The following MMP7 variants were observed in gnomAD, a reference collection of about 807,000 sequenced individuals.
MMP7 encodes the protein matrilysin.
In MMP7, 26 loss-of-function variants were observed where a neutral mutation model predicts 31.5. The observed-to-expected ratio is 0.83, with a 90% CI of 0.61 to 1.15. The LOEUF (loss-of-function observed/expected upper bound fraction) is 1.15, where lower values mean the gene tolerates loss of function less well. Ranked by LOEUF, MMP7 falls within the 50% of genes most tolerant of loss-of-function variation. MMP7 has a pLI of 0.00. For missense variants in MMP7, 367 were observed against 326.5 expected, an observed-to-expected ratio of 1.12 and a Z score of -0.96; for synonymous variants, 142 against 124.2, an observed-to-expected ratio of 1.14 and a Z score of -0.95.
In MMP7 at chr11:102,525,100, AT is replaced by A. The variant is rs369325394; in HGVS notation, c.485-37del. On this transcript the variant is annotated intron_variant, in intron 3 of 5. Transcript: ENST00000260227. The stretch of plus-strand genomic sequence containing the variant: ...ATGGAGTGATTGTTCTTAGTGACTG[AT>A]TTTTTTTTTCTCCAGTCATTTTATT... 1.5e-3 allele frequency: 2,201 copies of A among 1,483,026 alleles called. 12 individuals are homozygous for A. The African/African-American group carries it at 0.02, about 13-fold the overall frequency. 91.9% of individuals were successfully genotyped at this position (1,483,026 alleles called of 1,614,324 possible). A position where few individuals can be genotyped will look rare whatever the true frequency, so the allele number is the denominator to read the frequency against.
At position 102,523,310 on chromosome 11, in the gene MMP7, G is replaced by A; in HGVS notation, c.705C>T (p.Thr235=). Residue 235 remains threonine (T), a synonymous_variant, in exon 5 of 6, where the codon ACC becomes ACT. Coordinates refer to ENST00000260227, the MANE Select transcript of MMP7 (RefSeq NM_002423.5). ...AATTTTGGGGATCTCCATTTCCATA[G>A]GTTGGATACATCACTGCATTAGGAT... ...SSDPNAVMYP[T]YGNGDPQNFK... 1.9e-6 allele frequency: 3 copies of A among 1,612,846 alleles called. No homozygotes were observed. The highest frequency in any genetic ancestry group is 1.3e-5 in the African/African-American group (1 of 74,954).
rs539659012 is a variant in MMP7, at chr11:102,524,799, C to T, written c.613+137G>A. ...TATGAGTATATTACATGAAATAATG[C>T]ATTTCAGGCATATAGTACAGTGTTT... On this transcript the variant is annotated intron_variant, in intron 4 of 5. Coordinates refer to ENST00000260227, the MANE Select transcript of MMP7 (RefSeq NM_002423.5). 18 of 874,594 alleles carry T rather than the reference C, an allele frequency of 2.1e-5. No individual in the cohort carries two copies. The South Asian group carries it at 5.3e-4, about 26-fold the overall frequency. The allele number at this position is 874,594 out of a possible 1,614,324, so 54.2% of individuals were successfully genotyped here.
At chr11:102,524,076 T>C (rs906924785) in intron 4 of MMP7, among the ~76,000 whole-genome samples, 3 of 152,204 alleles carry the variant, frequency 2.0e-5, no homozygotes, top group African/African-American at 7.2e-5. Context: ...CCCGTGCGTT[T>C]GAGGAGTGGC....
chr11:102,525,753 C>G (rs948946303), intron 3 of MMP7, among the ~76,000 whole-genome samples: 3 of 144,900 alleles, frequency 2.1e-5, no homozygotes, highest in Non-Finnish European at 3.0e-5. Flanking sequence ...ATTTGTGCAC[C>G]ATTTCATAGG....
intron 4 of MMP7, among the ~76,000 whole-genome samples, chr11:102,524,117 A>G (rs1022001009): frequency 1.3e-5 from 2 of 152,208 alleles, no homozygotes; most frequent in African/African-American, 4.8e-5. Flanking sequence ...ATTGAATTGA[A>G]GGAAGCTGCC....
In MMP7 at chr11:102,524,938, A is replaced by G; in HGVS notation, c.611T>C (p.Leu204Pro). The G allele has an allele frequency of 6.2e-7, 1 of 1,613,708 alleles. No homozygotes were observed. Among genetic ancestry groups the G allele is most frequent in the South Asian group, 1.1e-5 (1 of 91,048 alleles). The change falls in exon 4 of 6, where the codon CTA (leucine) becomes CCA (proline). Residue 204 changes from leucine to proline, a missense_variant and splice_region_variant. By Grantham distance (98) the Leu-to-Pro change is moderately conservative. Coordinates refer to ENST00000260227, the MANE Select transcript of MMP7 (RefSeq NM_002423.5). The part of the protein sequence containing the change: ...EDERWTDGSS[L>P]GINFLYAATH... ...AGAAGAGACATGAGATGCTATACCT[A>G]GACTGCTACCATCCGTCCAGCGTTC...
At chr11:102,524,850 A>G in intron 4 of MMP7, 86 bp downstream of exon 4, 2 of 1,437,392 alleles carry the variant, frequency 1.4e-6, no homozygotes, top group Non-Finnish European at 1.8e-6. Flanking sequence ...CTCAATACTT[A>G]TTATAAATTA....
Position 102,530,628 on chromosome 11 carries a change from C to T in MMP7, c.73G>A (p.Gly25Arg). Residue 25 changes from glycine to arginine, a missense_variant, in exon 1 of 6, where the codon GGA becomes AGA. Coordinates refer to ENST00000260227, the MANE Select transcript of MMP7 (RefSeq NM_002423.5). ...SLALPLPQEA[G>R]GMSELQWEQA... ...TCCCACTGTAGCTCACTCATGCCTC[C>T]CGCCTCCTGAGGCAGCGGCAGGGCC... 1 of 1,614,020 alleles carries T rather than the reference C, an allele frequency of 6.2e-7. No homozygotes were observed. The highest frequency in any genetic ancestry group is 8.5e-7 in the Non-Finnish European group (1 of 1,179,936).
In MMP7 at chr11:102,527,646, G is replaced by A. The variant is rs1858687527; in HGVS notation, c.362C>T (p.Pro121Leu). The A allele has an allele frequency of 9.9e-6, 16 of 1,614,078 alleles. 1 individual carries two copies. In the Middle Eastern group the frequency reaches 6.6e-4, roughly 67 times the overall value. The change falls in exon 3 of 6, where the codon CCG becomes CTG. Residue 121 changes from proline (P) to leucine (L), a missense_variant. Coordinates refer to ENST00000260227, the MANE Select transcript of MMP7 (RefSeq NM_002423.5). ...YRIVSYTRDL[P>L]HITVDRLVSK... ...CACTAATCGATCCACTGTAATATGC[G>A]GTAAGTCTCGAGTATATGATACGAT...
At chr11:102,527,267 T>C in intron 3 of MMP7, 1 of 467,640 alleles carries the variant, frequency 2.1e-6, no homozygotes, top group Non-Finnish European at 3.8e-6. Flanking sequence ...TGTGTTCCAG[T>C]AAAACTTTAT....
At chr11:102,524,820 T>G (rs143557590) in intron 4 of MMP7, 116 bp downstream of exon 4, 2 of 1,149,070 alleles carry the variant, frequency 1.7e-6, no homozygotes, top group South Asian at 4.0e-5. Context: ...TATAGTACAG[T>G]GTTTGGCACT....
intron 3 of MMP7, among the ~76,000 whole-genome samples, chr11:102,525,663 C>T (rs1858662178): frequency 6.6e-6 from 1 of 151,276 alleles, no homozygotes. Flanking sequence ...TGCATTTAAG[C>T]TTTTGTTAAA....
At position 102,527,886 on chromosome 11, in the gene MMP7, G is replaced by C. The variant is rs1385033232; in HGVS notation, c.206C>G (p.Pro69Arg). The stretch of plus-strand genomic sequence containing the variant: ...GCGGGAGTTTAACATTCCAGTTATA[G>C]GTAGGCCAAAGAATTTTTGCATCTC... ...LKEMQKFFGL[P>R]ITGMLNSRVI... is the part of the protein sequence containing the mutation. The change falls in exon 2 of 6, where the codon CCT becomes CGT. Residue 69 changes from proline (P) to arginine (R), a missense_variant. By Grantham distance (103) the Pro-to-Arg change is moderately radical (BLOSUM62 -2). Transcript: ENST00000260227. 4 of 1,613,978 alleles carry C rather than the reference G, an allele frequency of 2.5e-6. No individual in the cohort carries two copies. Among genetic ancestry groups the C allele is most frequent in the Non-Finnish European group, 3.4e-6 (4 of 1,180,012 alleles).
chr11:102,520,758 A>C lies in MMP7; in HGVS notation c.*18T>G, dbSNP rs760754751. On this transcript the variant is annotated 3_prime_UTR_variant, in exon 6 of 6. Transcript: ENST00000260227. The stretch of plus-strand genomic sequence containing the variant: ...TACAATCCAATGAATGAATGAATGG[A>C]TGTTCTGCCTGAAGTTTCTATTTCT... 5.8e-6 allele frequency: 9 copies of C among 1,554,256 alleles called. No homozygotes were observed. The highest frequency in any genetic ancestry group is 7.0e-6 in the Non-Finnish European group (8 of 1,137,766).
chr11:102,528,366 A>G (rs1858697299), intron 1 of MMP7, among the ~76,000 whole-genome samples: 1 of 152,156 alleles, frequency 6.6e-6, no homozygotes, highest in Non-Finnish European at 1.5e-5. Flanking sequence ...CCTGTGGGGG[A>G]GATCTGAGGT....
chr11:102,524,045 C>A (rs908857350), intron 4 of MMP7, among the ~76,000 whole-genome samples: 1 of 152,118 alleles, frequency 6.6e-6, no homozygotes, highest in African/African-American at 2.4e-5. Context: ...AAAGGCTTTG[C>A]AAGTATGTGG....
At chr11:102,524,180 CA>C (rs1394683659) in intron 4 of MMP7, 1 of 152,090 alleles carries the variant, frequency 6.6e-6, no homozygotes, top group Non-Finnish European at 1.5e-5. Context: ...ATGCCAGATG[CA>C]AATGGGAGGC....
rs900569423 is a variant in MMP7 at position 102,527,972 on chromosome 11, C to G, written c.120G>C (p.Lys40Asn). ...TTTCTGAGTCATAGAGATAAAATCT[C>G]TTGAGATAGTCCTATTGAAAAGAGA... is the stretch of plus-strand genomic sequence containing the variant. ...LQWEQAQDYLKRFYLYDSETK... is the reference protein window; with the variant it reads ...LQWEQAQDYLNRFYLYDSETK... Residue 40 changes from lysine (K) to asparagine (N), a missense_variant, in exon 2 of 6, where the codon AAG becomes AAC. Transcript: ENST00000260227. 9.9e-6 allele frequency: 16 copies of G among 1,610,850 alleles called. No individual in the cohort carries two copies. The highest frequency in any genetic ancestry group is 1.4e-5 in the Non-Finnish European group (16 of 1,177,708).
intron 1 of MMP7, 76 bp downstream of exon 1, chr11:102,530,517 G>T: frequency 8.4e-7 from 1 of 1,185,796 alleles, no homozygotes; most frequent in Non-Finnish European, 1.2e-6. Flanking sequence ...ACATGGGAAG[G>T]GAAATAATTG....
Sources: gnomAD v4.1 joint callset for allele counts (sites outside exome capture counted in the v4.1 genomes callset) on GRCh38, gnomAD v4.1.1 for gene constraint, MANE v1.5 for transcripts, NCBI Gene and HGNC (gene_info 2026-07-23, HGNC 2026-07-21) for gene names.